TECRL: variants seen among roughly 807,000 people sequenced by gnomAD.
TECRL encodes the protein trans-2,3-enoyl-CoA reductase-like.
In TECRL, 63 loss-of-function variants were observed where a neutral mutation model predicts 52.8. That is an observed-to-expected ratio of 1.19 (90% CI 0.97 to 1.47). The LOEUF is 1.47. Ranked by LOEUF, TECRL falls within the 40% of genes most tolerant of loss-of-function variation. TECRL has a pLI of 0.00. For missense variants in TECRL, 482 were observed against 429.6 expected (o/e 1.12, Z -1.08); for synonymous variants, 164 against 141.9 (o/e 1.16, Z -1.10).
intron 6 of TECRL, among the ~76,000 whole-genome samples, chr4:64,308,728 G>C (rs947940889): frequency 6.6e-6 from 1 of 152,124 alleles, no homozygotes; most frequent in Non-Finnish European, 1.5e-5. Context: ...AAGGCATAAG[G>C]AGATGGTAAC....
At chr4:64,339,232 A>T (rs1389554460) in intron 2 of TECRL, among the ~76,000 whole-genome samples, 2 of 139,034 alleles carry the variant, frequency 1.4e-5, no homozygotes, top group Non-Finnish European at 3.0e-5. Context: ...GAATTGAACA[A>T]TGAGAACACT....
intron 1 of TECRL, among the ~76,000 whole-genome samples, chr4:64,406,653 A>G (rs1164867482): frequency 6.6e-6 from 1 of 151,960 alleles, no homozygotes; most frequent in South Asian, 2.1e-4. Flanking sequence ...TATTGATATG[A>G]TTTTATTAAC....
intron 2 of TECRL, among the ~76,000 whole-genome samples, chr4:64,346,018 T>G (rs1719957278): frequency 6.9e-6 from 1 of 144,270 alleles, no homozygotes; most frequent in East Asian, 2.1e-4. Context: ...CACACAAGAA[T>G]ATAAACACAA....
At chr4:64,281,667 T>A in intron 9 of TECRL, 108 bp from the exon 10 acceptor site, 1 of 590,774 alleles carries the variant, frequency 1.7e-6, no homozygotes, top group East Asian at 3.0e-5. Flanking sequence ...CCACATGAAA[T>A]GTCATCACGT....
At chr4:64,372,717 T>C (rs1405614500) in intron 2 of TECRL, among the ~76,000 whole-genome samples, 2 of 151,412 alleles carry the variant, frequency 1.3e-5, no homozygotes, top group East Asian at 3.9e-4. Context: ...TAACAAGAAT[T>C]CTGCCTTCAG....
At position 64,376,175 on chromosome 4, in the gene TECRL, A is replaced by T. The variant is rs77724536; in HGVS notation, c.235-952T>A. On this transcript the variant is annotated intron_variant, in intron 1 of 11. Transcript: ENST00000381210. ...TATTATACACTGAAAGTATAACAAC[A>T]AATACATTTATTTTAACATATTTCG... Among the ~76,000 whole-genome samples the T allele has an allele frequency of 9.2e-3, 1,401 of 152,052 alleles. 20 individuals are homozygous for T. Among genetic ancestry groups the T allele is most frequent in the African/African-American group, 0.032 (1,335 of 41,554 alleles).
chr4:64,402,518 T>C (rs1467696042), intron 1 of TECRL, among the ~76,000 whole-genome samples: 1 of 152,082 alleles, frequency 6.6e-6, no homozygotes, highest in Non-Finnish European at 1.5e-5. Context: ...GTACATCTGC[T>C]TATAGGAGAC....
intron 6 of TECRL, among the ~76,000 whole-genome samples, chr4:64,308,967 T>C (rs1453580531): frequency 6.6e-6 from 1 of 152,316 alleles, no homozygotes; most frequent in East Asian, 1.9e-4. Flanking sequence ...AATTAGTGAA[T>C]TTAAAAAATA....
chr4:64,342,766 A>C (rs1212143557), intron 2 of TECRL, among the ~76,000 whole-genome samples: 1 of 152,126 alleles, frequency 6.6e-6, no homozygotes, highest in East Asian at 1.9e-4. Context: ...AAATTACAAA[A>C]AAATTATTAA....
At position 64,301,485 on chromosome 4, in the gene TECRL, T is replaced by A. The variant is rs151088082; in HGVS notation, c.731-1468A>T. Among the ~76,000 whole-genome samples the A allele has an allele frequency of 1.8e-3, 273 of 151,326 alleles. 4 individuals are homozygous for A. Among genetic ancestry groups the A allele is most frequent in the African/African-American group, 6.0e-3 (251 of 41,498 alleles). On this transcript the variant is annotated intron_variant, in intron 7 of 11. Coordinates refer to ENST00000381210, the MANE Select transcript of TECRL (RefSeq NM_001010874.5). ...AGAATTCGCATGACAGGCACTGAACTTTGCGCTTGTGAGAAAGTACACACA... is the reference window on the plus strand; with the variant it reads ...AGAATTCGCATGACAGGCACTGAACATTGCGCTTGTGAGAAAGTACACACA...
intron 1 of TECRL, among the ~76,000 whole-genome samples, chr4:64,380,101 T>G (rs193228752): frequency 3.3e-5 from 5 of 152,214 alleles, no homozygotes; most frequent in Admixed American, 3.3e-4. Context: ...CATACCAGGG[T>G]AAGTTAATAT....
chr4:64,406,911 G>A (rs1724765621), intron 1 of TECRL, among the ~76,000 whole-genome samples: 1 of 151,588 alleles, frequency 6.6e-6, no homozygotes. Context: ...TTACTACAAA[G>A]TTGTTAATTT....
At chr4:64,284,479 A>T (rs992090602) in intron 9 of TECRL, among the ~76,000 whole-genome samples, 6 of 78,662 alleles carry the variant, frequency 7.6e-5, no homozygotes, top group African/African-American at 1.9e-4. Context: ...TGGTAGTGAA[A>T]GGAACACCAT....
Position 64,284,084 on chromosome 4 carries a change from C to A in TECRL, c.833-2525G>T, listed in dbSNP as rs116708060. On this transcript the variant is annotated intron_variant, in intron 9 of 11. Coordinates refer to ENST00000381210, the MANE Select transcript of TECRL (RefSeq NM_001010874.5). ...AGGAGAATACACATGGGGTTGGAAT[C>A]TGAGGGTGTTTGAAAAGAGGGGTAA... Among the ~76,000 whole-genome samples the A allele has an allele frequency of 6.5e-3, 986 of 152,118 alleles. 8 individuals carry two copies. Among genetic ancestry groups the A allele is most frequent in the African/African-American group, 0.022 (934 of 41,522 alleles).
chr4:64,387,807 G>A (rs1340183155), intron 1 of TECRL, among the ~76,000 whole-genome samples: 1 of 151,960 alleles, frequency 6.6e-6, no homozygotes, highest in Non-Finnish European at 1.5e-5. Flanking sequence ...TTATCCTGGT[G>A]ATGTGATGAA....
chr4:64,384,882 G>T (rs1723067769), intron 1 of TECRL, among the ~76,000 whole-genome samples: 1 of 152,200 alleles, frequency 6.6e-6, no homozygotes, highest in South Asian at 2.1e-4. Context: ...GGGTGGGCCT[G>T]TCTTCAGTTC....
intron 1 of TECRL, among the ~76,000 whole-genome samples, chr4:64,377,956 T>C (rs548981191): frequency 1.7e-4 from 26 of 152,196 alleles, no homozygotes; most frequent in African/African-American, 6.0e-4. Context: ...CAGCAACCAC[T>C]TGACATTCAT....
chr4:64,365,893 T>G (rs2109635907), intron 2 of TECRL, among the ~76,000 whole-genome samples: 1 of 152,182 alleles, frequency 6.6e-6, no homozygotes, highest in East Asian at 1.9e-4. Flanking sequence ...ATTCTAAAAT[T>G]TATGTAAAAC....
chr4:64,320,118 A>G (rs1717797031), intron 4 of TECRL, among the ~76,000 whole-genome samples: 1 of 151,842 alleles, frequency 6.6e-6, no homozygotes, highest in South Asian at 2.1e-4. Flanking sequence ...AAACTGCATA[A>G]CTTTAATTAA....
Sources: allele counts gnomAD v4.1 joint callset (sites outside exome capture counted in the v4.1 genomes callset), GRCh38; gene constraint gnomAD v4.1.1; transcripts MANE v1.5; gene names NCBI Gene and HGNC (gene_info 2026-07-23, HGNC 2026-07-21).